Variants in SUPT3H observed in about 807,000 individuals in gnomAD.
SUPT3H encodes the protein SPT3 homolog, SAGA and STAGA complex component.
SUPT3H carries 44 observed loss-of-function variants against 44.3 expected under a neutral mutation model. That is an observed-to-expected ratio of 0.99 (90% confidence interval 0.78 to 1.28). SUPT3H has a LOEUF of 1.28. SUPT3H is among the 50% of genes most tolerant of loss of function. The pLI is 0.00. For synonymous variants in SUPT3H, 124 were observed against 125.6 expected (o/e 0.99, Z 0.09); for missense variants, 380 against 387.1 (o/e 0.98, Z 0.15).
intron 10 of SUPT3H, among the ~76,000 whole-genome samples, chr6:44,876,735 A>G (rs1777347987): frequency 6.6e-6 from 1 of 151,874 alleles, no homozygotes; most frequent in East Asian, 1.9e-4. Flanking sequence ...AAGGGAAATT[A>G]GAAAATACTT....
intron 9 of SUPT3H, 84 bp downstream of exon 9, chr6:44,953,226 T>A (rs931808851): frequency 4.7e-5 from 48 of 1,029,690 alleles, no homozygotes; most frequent in Non-Finnish European, 6.4e-5. Flanking sequence ...TCCTGCATAA[T>A]CTTTATTAAA....
intron 3 of SUPT3H, among the ~76,000 whole-genome samples, chr6:45,066,283 A>T (rs1419146317): frequency 6.6e-6 from 1 of 151,938 alleles, no homozygotes; most frequent in East Asian, 1.9e-4. Context: ...AAAAACTCTC[A>T]ATAAATTAGG....
chr6:45,073,415 T>C lies in SUPT3H; in HGVS notation c.186+32507A>G, dbSNP rs371938249. Among the ~76,000 whole-genome samples the C allele has an allele frequency of 5.0e-4, 76 of 151,520 alleles. 1 individual carries two copies. In the South Asian group the frequency reaches 0.015, roughly 31 times the overall value. On this transcript the variant is annotated intron_variant, in intron 3 of 10. Transcript: ENST00000371459. Reference sequence around the variant, plus strand: ...TGTTTATCATGGAAAGCTCAGAAAATACAAAAAAAAGCTTAATAAAGATAA... The same window carrying C: ...TGTTTATCATGGAAAGCTCAGAAAACACAAAAAAAAGCTTAATAAAGATAA...
intron 2 of SUPT3H, among the ~76,000 whole-genome samples, chr6:45,194,637 C>T (rs541652975): frequency 2.6e-5 from 4 of 152,036 alleles, no homozygotes; most frequent in African/African-American, 9.6e-5. Context: ...CATATGTATA[C>T]AATCAAAAGA....
chr6:44,840,044 C>T (rs1481805258), intron 10 of SUPT3H, among the ~76,000 whole-genome samples: 1 of 152,206 alleles, frequency 6.6e-6, no homozygotes, highest in Non-Finnish European at 1.5e-5. Context: ...AGTTGAAATT[C>T]TTGTCCAAAC....
At chr6:45,156,763 T>G (rs1469080571) in intron 2 of SUPT3H, among the ~76,000 whole-genome samples, 3 of 151,530 alleles carry the variant, frequency 2.0e-5, no homozygotes, top group Admixed American at 2.0e-4. Flanking sequence ...ATATATATAT[T>G]TTAGAATGAT....
rs202024130 is a variant in SUPT3H, at chr6:45,353,907, T to TA, written c.101+11293dup. Reference sequence around the variant, plus strand: ...GTGCCTTTAGTATATCAAAGGTCCTTAATAGGAAAAAAAAATACAGTAGAA... The same window carrying TA: ...GTGCCTTTAGTATATCAAAGGTCCTTAAATAGGAAAAAAAAATACAGTAGAA... On this transcript the variant is annotated intron_variant, in intron 2 of 10. Transcript: ENST00000371459. Among the ~76,000 whole-genome samples, 200 of 150,464 alleles carry TA rather than the reference T, an allele frequency of 1.3e-3. 4 individuals carry two copies. In the East Asian group the frequency reaches 0.037, roughly 28 times the overall value.
intron 2 of SUPT3H, among the ~76,000 whole-genome samples, chr6:45,119,183 T>C (rs1801254869): frequency 6.6e-6 from 1 of 152,208 alleles, no homozygotes; most frequent in African/African-American, 2.4e-5. Flanking sequence ...ATCCCACTCC[T>C]AGATGCTTCC....
intron 6 of SUPT3H, among the ~76,000 whole-genome samples, chr6:44,976,659 G>A (rs1778387787): frequency 6.6e-6 from 1 of 151,974 alleles, no homozygotes; most frequent in African/African-American, 2.4e-5. Context: ...CACTGCGCCC[G>A]GCCATATTTT....
chr6:44,843,927 G>GCACGCACACA (rs1046367976), intron 10 of SUPT3H, among the ~76,000 whole-genome samples: 7 of 148,006 alleles, frequency 4.7e-5, no homozygotes, highest in African/African-American at 1.5e-4. Flanking sequence ...ACACACACAC[G>GCACGCACACA]CACACACACA....
At chr6:45,180,945 G>T (rs1180753181) in intron 2 of SUPT3H, among the ~76,000 whole-genome samples, 7 of 149,820 alleles carry the variant, frequency 4.7e-5, no homozygotes, top group Non-Finnish European at 1.0e-4. Context: ...TACAAAATGG[G>T]AGAAAATTTT....
intron 9 of SUPT3H, among the ~76,000 whole-genome samples, chr6:44,942,594 A>G (rs1024274192): frequency 6.6e-6 from 1 of 152,182 alleles, no homozygotes; most frequent in Non-Finnish European, 1.5e-5. Flanking sequence ...AATTTTACCC[A>G]AATATTTTTT....
intron 2 of SUPT3H, among the ~76,000 whole-genome samples, chr6:45,136,517 A>G (rs1228539668): frequency 1.3e-5 from 2 of 152,140 alleles, no homozygotes; most frequent in African/African-American, 4.8e-5. Context: ...TAAATATTTC[A>G]AAGAGCTAAA....
intron 10 of SUPT3H, among the ~76,000 whole-genome samples, chr6:44,842,439 G>A (rs1236193625): frequency 2.6e-5 from 4 of 152,026 alleles, no homozygotes; most frequent in African/African-American, 4.8e-5. Context: ...AGAAATAAAT[G>A]TTTCCTCTAC....
chr6:45,264,638 T>C (rs1774959606), intron 2 of SUPT3H, among the ~76,000 whole-genome samples: 1 of 152,182 alleles, frequency 6.6e-6, no homozygotes, highest in South Asian at 2.1e-4. Flanking sequence ...CTAAACTGTC[T>C]AGCCCTGCAC....
chr6:45,227,149 A>C (rs1347440884), intron 2 of SUPT3H, among the ~76,000 whole-genome samples: 1 of 151,742 alleles, frequency 6.6e-6, no homozygotes, highest in Non-Finnish European at 1.5e-5. Flanking sequence ...AGCCAAAATT[A>C]TCAAATTTTT....
chr6:44,866,100 C>T (rs1045459987), intron 10 of SUPT3H, among the ~76,000 whole-genome samples: 15 of 127,250 alleles, frequency 1.2e-4, no homozygotes, highest in African/African-American at 3.9e-4. Flanking sequence ...AGAAAGCCTA[C>T]ATCGACTTTT....
intron 9 of SUPT3H, among the ~76,000 whole-genome samples, chr6:44,949,517 A>AAAAG (rs1327387993): frequency 3.9e-5 from 6 of 152,144 alleles, no homozygotes; most frequent in Admixed American, 1.3e-4. Context: ...AACTGAGAGA[A>AAAAG]AAATATGTGA....
At chr6:44,971,929 C>A (rs180734306) in intron 6 of SUPT3H, among the ~76,000 whole-genome samples, 155 of 151,558 alleles carry the variant, frequency 1.0e-3, no homozygotes, top group African/African-American at 3.3e-3. Context: ...CCTGCCACCA[C>A]ACCCGGCTAA....
Sources: allele counts gnomAD v4.1 joint callset (sites outside exome capture counted in the v4.1 genomes callset), GRCh38; gene constraint gnomAD v4.1.1; transcripts MANE v1.5; gene names NCBI Gene and HGNC (gene_info 2026-07-23, HGNC 2026-07-21).